Variants in AKAP19 observed in about 807,000 individuals in gnomAD.
AKAP19 encodes A-kinase anchoring protein 19, also known as small A-kinase anchoring protein.
chr2:189,994,664 T>C, the AKAP19 span, among the ~76,000 whole-genome samples: 2 of 151,996 alleles, frequency 1.3e-5, no homozygotes, highest in African/African-American at 4.8e-5. Context: ...AGTGGTGCCA[T>C]CTTGGCTCAC....
At chr2:190,014,115 C>T in the AKAP19 span, among the ~76,000 whole-genome samples, 1 of 152,096 alleles carries the variant, frequency 6.6e-6, no homozygotes, top group Admixed American at 6.6e-5. Context: ...TTTGGTATGT[C>T]CTGCTTCCAT....
the AKAP19 span, among the ~76,000 whole-genome samples, chr2:190,030,097 A>G: frequency 2.0e-5 from 3 of 152,202 alleles, no homozygotes; most frequent in Non-Finnish European, 2.9e-5. Flanking sequence ...TTATATATGT[A>G]CATATCAGAT....
chr2:190,092,792 G>A, the AKAP19 span, among the ~76,000 whole-genome samples: 50 of 152,002 alleles, frequency 3.3e-4, no homozygotes, highest in South Asian at 9.1e-3. Flanking sequence ...AATCATTGTC[G>A]GTCTGATCTG....
At chr2:189,886,856 G>A in the AKAP19 span, among the ~76,000 whole-genome samples, 2 of 152,120 alleles carry the variant, frequency 1.3e-5, no homozygotes, top group African/African-American at 4.8e-5. Flanking sequence ...AGGTGTGAGG[G>A]AGAAACTCAA....
the AKAP19 span, among the ~76,000 whole-genome samples, chr2:189,942,333 A>G: frequency 6.6e-6 from 1 of 152,284 alleles, no homozygotes; most frequent in African/African-American, 2.4e-5. Context: ...GCCTTCTGCC[A>G]TGATGGTAAG....
chr2:190,101,654 T>C, the AKAP19 span, among the ~76,000 whole-genome samples: 1 of 151,914 alleles, frequency 6.6e-6, no homozygotes, highest in South Asian at 2.1e-4. Context: ...GTACTCAACA[T>C]TGGAGCACCC....
the AKAP19 span, among the ~76,000 whole-genome samples, chr2:189,880,288 A>G: frequency 3.3e-5 from 5 of 152,186 alleles, no homozygotes; most frequent in Non-Finnish European, 5.9e-5. Flanking sequence ...AGCAGAAGCC[A>G]CTAAATAAAC....
the AKAP19 span, among the ~76,000 whole-genome samples, chr2:190,114,383 A>G: frequency 6.6e-6 from 1 of 152,228 alleles, no homozygotes; most frequent in African/African-American, 2.4e-5. Context: ...GATGTATAAT[A>G]CATTTTCTGA....
the AKAP19 span, among the ~76,000 whole-genome samples, chr2:190,098,429 A>G: frequency 6.6e-6 from 1 of 152,258 alleles, no homozygotes; most frequent in East Asian, 1.9e-4. Context: ...GAGCAGTAAT[A>G]TTTTGAAAGA....
the AKAP19 span, among the ~76,000 whole-genome samples, chr2:190,186,275 G>A: frequency 1.3e-5 from 2 of 152,140 alleles, no homozygotes; most frequent in East Asian, 3.9e-4. The surrounding 1 kb of genome is among the most constrained non-coding windows in gnomAD (Gnocchi z 5.5). Flanking sequence ...TTAGATGACT[G>A]AGGTAGAGCC....
the AKAP19 span, among the ~76,000 whole-genome samples, chr2:190,132,262 A>G: frequency 6.6e-6 from 1 of 152,192 alleles, no homozygotes; most frequent in Admixed American, 6.5e-5. Context: ...CAAAATTCCA[A>G]TGACAATTTT....
At chr2:190,041,620 C>T in the AKAP19 span, among the ~76,000 whole-genome samples, 8 of 152,084 alleles carry the variant, frequency 5.3e-5, no homozygotes, top group Non-Finnish European at 1.0e-4. Context: ...ATGCTTCCAG[C>T]TTTTGCCTAT....
chr2:190,073,924 G>GC, the AKAP19 span, among the ~76,000 whole-genome samples: 1 of 151,942 alleles, frequency 6.6e-6, no homozygotes, highest in African/African-American at 2.4e-5. Context: ...GGTGAGACGT[G>GC]CCTGTAGTCC....
the AKAP19 span, among the ~76,000 whole-genome samples, chr2:190,025,364 C>T: frequency 1.3e-5 from 2 of 152,164 alleles, no homozygotes; most frequent in Non-Finnish European, 2.9e-5. Context: ...TCCATCCCCC[C>T]ACATCATGTG....
chr2:190,138,096 C>CGGTTTT, the AKAP19 span, among the ~76,000 whole-genome samples: 15 of 152,360 alleles, frequency 9.8e-5, no homozygotes, highest in African/African-American at 3.6e-4. Context: ...TTTCTACCTA[C>CGGTTTT]TACTGAGAAT....
the AKAP19 span, among the ~76,000 whole-genome samples, chr2:189,946,871 A>G: frequency 6.6e-6 from 1 of 152,204 alleles, no homozygotes; most frequent in East Asian, 1.9e-4. Flanking sequence ...CATAAAAATT[A>G]TTTTAAAATT....
the AKAP19 span, chr2:190,091,057 A>G: frequency 6.6e-6 from 1 of 152,252 alleles, no homozygotes; most frequent in Non-Finnish European, 1.5e-5. Flanking sequence ...TTTTTACTGT[A>G]GAGTTGCTAA....
chr2:189,972,845 C>T, the AKAP19 span, among the ~76,000 whole-genome samples: 1 of 152,090 alleles, frequency 6.6e-6, no homozygotes, highest in Non-Finnish European at 1.5e-5. Flanking sequence ...ATCCTGAGAC[C>T]TTGCTAAAGT....
the AKAP19 span, among the ~76,000 whole-genome samples, chr2:189,929,773 CTG>C: frequency 6.6e-6 from 1 of 151,914 alleles, no homozygotes; most frequent in Non-Finnish European, 1.5e-5. Flanking sequence ...AAAAAAATAA[CTG>C]TGCAAACAAG....
Sources: allele counts gnomAD v4.1 joint callset (sites outside exome capture counted in the v4.1 genomes callset), GRCh38; gene constraint gnomAD v4.1.1; non-coding constraint Gnocchi (gnomAD v3.1); transcripts MANE v1.5; gene names NCBI Gene and HGNC (gene_info 2026-07-23, HGNC 2026-07-21).